Variants in VSTM2L observed in about 807,000 individuals in gnomAD.
VSTM2L encodes V-set and transmembrane domain containing 2 like, also known as V-set and transmembrane domain-containing protein 2-like protein.
Under a neutral mutation model 19.9 loss-of-function variants are expected in VSTM2L, and 9 were observed. The observed-to-expected ratio is 0.45, with a 90% CI of 0.27 to 0.79. VSTM2L has a LOEUF of 0.79. Ranked by LOEUF, VSTM2L falls within the 30% of genes least tolerant of loss-of-function variation. The pLI, the probability that VSTM2L is intolerant of heterozygous loss-of-function variation, is 0.15. For synonymous variants in VSTM2L, 127 were observed against 133.8 expected (o/e 0.95, Z 0.35); for missense variants, 286 against 295.5 (o/e 0.97, Z 0.24).
In VSTM2L at chr20:37,944,420, G is replaced by GCGCC; in HGVS notation, c.*168_*169insGCCC. 8.3e-7 allele frequency: 1 copy of GCGCC among 1,199,428 alleles called. No homozygotes were observed. Among genetic ancestry groups the GCGCC allele is most frequent in the Non-Finnish European group, 1.1e-6 (1 of 921,448 alleles). 74.3% of individuals were successfully genotyped at this position (1,199,428 alleles called of 1,614,324 possible). On this transcript the variant is annotated 3_prime_UTR_variant, in exon 4 of 4. Transcript: ENST00000373461. The stretch of plus-strand genomic sequence containing the variant: ...CCACCACCCCTTGCTCAGCATGTAA[G>GCGCC]CCCCACCCACCCCTGCCCTTTCAGA...
intron 1 of VSTM2L, among the ~76,000 whole-genome samples, chr20:37,915,856 A>G (rs1296115846): frequency 6.6e-6 from 1 of 151,996 alleles, no homozygotes; most frequent in Admixed American, 6.6e-5. Context: ...CTGTTCTGGA[A>G]CATCCCAAGT....
intron 3 of VSTM2L, 95 bp from the exon 4 acceptor site, chr20:37,943,886 C>T (rs1045169130): frequency 3.0e-5 from 39 of 1,310,834 alleles, no homozygotes; most frequent in Admixed American, 5.8e-5. Flanking sequence ...CTGGGGCTCC[C>T]GTCCTAGCAT....
At chr20:37,914,458 TTGTG>T (rs745351212) in intron 1 of VSTM2L, among the ~76,000 whole-genome samples, 2 of 151,090 alleles carry the variant, frequency 1.3e-5, no homozygotes, top group Non-Finnish European at 3.0e-5. Flanking sequence ...TGTGTGTGTA[TTGTG>T]TGTATGTGTG....
intron 1 of VSTM2L, among the ~76,000 whole-genome samples, chr20:37,909,333 C>T (rs1367076925): frequency 1.3e-5 from 2 of 152,100 alleles, no homozygotes; most frequent in Non-Finnish European, 2.9e-5. Context: ...GGGACCAAAC[C>T]AGCTGCTGAT....
At chr20:37,922,821 G>A (rs1203219656) in intron 1 of VSTM2L, among the ~76,000 whole-genome samples, 1 of 152,186 alleles carries the variant, frequency 6.6e-6, no homozygotes, top group African/African-American at 2.4e-5. Context: ...AGTCCCACTG[G>A]CTCCCAGGAG....
chr20:37,934,764 AG>A (rs1237777818), intron 3 of VSTM2L, among the ~76,000 whole-genome samples: 1 of 152,058 alleles, frequency 6.6e-6, no homozygotes, highest in Non-Finnish European at 1.5e-5. Context: ...GGCATCATGG[AG>A]GCAGAGAGGC....
Position 37,945,032 on chromosome 20 carries a change from C to T in VSTM2L, c.*779C>T. On this transcript the variant is annotated 3_prime_UTR_variant, in exon 4 of 4. Transcript: ENST00000373461. ...TCTCCCAGGAGTCCCCCTCTGCCGG[C>T]CCCCCAATGCCCCAGCTCCCTCTTG... 3 of 985,828 alleles carry T rather than the reference C, an allele frequency of 3.0e-6. No individual in the cohort carries two copies. Among genetic ancestry groups the T allele is most frequent in the Non-Finnish European group, 3.6e-6 (3 of 829,956 alleles). 61.1% of individuals were successfully genotyped at this position (985,828 alleles called of 1,614,324 possible).
intron 1 of VSTM2L, 58 bp downstream of exon 1, chr20:37,903,529 C>A: frequency 7.2e-7 from 1 of 1,383,150 alleles, no homozygotes; most frequent in Non-Finnish European, 9.3e-7. Flanking sequence ...CGGGCCGCGC[C>A]ACTCCAACTT....
At chr20:37,909,493 A>G (rs1055661438) in intron 1 of VSTM2L, among the ~76,000 whole-genome samples, 1 of 152,240 alleles carries the variant, frequency 6.6e-6, no homozygotes, top group Non-Finnish European at 1.5e-5. Flanking sequence ...AGGAGGACGA[A>G]GCAGGGGATG....
intron 3 of VSTM2L, among the ~76,000 whole-genome samples, chr20:37,937,803 G>T (rs1430021836): frequency 3.9e-5 from 6 of 152,182 alleles, no homozygotes; most frequent in African/African-American, 1.4e-4. Flanking sequence ...AATGAGGAGA[G>T]CTGCCATAAT....
chr20:37,937,104 C>T (rs2072945270), intron 3 of VSTM2L, among the ~76,000 whole-genome samples: 1 of 152,008 alleles, frequency 6.6e-6, no homozygotes, highest in Admixed American at 6.6e-5. Context: ...GCCTGCAGTC[C>T]CAGATACTTG....
intron 3 of VSTM2L, among the ~76,000 whole-genome samples, chr20:37,934,799 C>T (rs927381349): frequency 6.6e-6 from 1 of 152,096 alleles, no homozygotes; most frequent in Non-Finnish European, 1.5e-5. Flanking sequence ...TCTGCAGCCC[C>T]TTCAGGCGGG....
At chr20:37,937,214 G>A (rs2072945886) in intron 3 of VSTM2L, among the ~76,000 whole-genome samples, 1 of 152,094 alleles carries the variant, frequency 6.6e-6, no homozygotes, top group African/African-American at 2.4e-5. Context: ...TACGTGGGAG[G>A]ACAGGCATCT....
chr20:37,923,391 C>A lies in VSTM2L; in HGVS notation c.122-8244C>A, dbSNP rs1761155560. Among the ~76,000 whole-genome samples the A allele has an allele frequency of 2.6e-5, 4 of 152,148 alleles. No homozygotes were observed. The South Asian group carries it at 8.3e-4, about 31-fold the overall frequency. The stretch of plus-strand genomic sequence containing the variant: ...TGCAGCTGATGCACCGATAATCAGG[C>A]CTGGGGTTAATTAATACATCGCACC... On this transcript the variant is annotated intron_variant, in intron 1 of 3. Coordinates refer to ENST00000373461, the MANE Select transcript of VSTM2L (RefSeq NM_080607.3).
At chr20:37,931,220 G>T (rs2072906938) in intron 1 of VSTM2L, among the ~76,000 whole-genome samples, 1 of 152,190 alleles carries the variant, frequency 6.6e-6, no homozygotes, top group Non-Finnish European at 1.5e-5. Context: ...GTACATGGAT[G>T]CTGGAGTAAC....
At chr20:37,904,821 C>A (rs1303799931) in intron 1 of VSTM2L, among the ~76,000 whole-genome samples, 1 of 152,148 alleles carries the variant, frequency 6.6e-6, no homozygotes, top group Non-Finnish European at 1.5e-5. Context: ...TCGAAGCCAT[C>A]CTCAGGGTCT....
Position 37,944,873 on chromosome 20 carries a change from C to T in VSTM2L, c.*620C>T. The T allele has an allele frequency of 1.0e-6, 1 of 985,934 alleles. No homozygotes were observed. The allele number at this position is 985,934 out of a possible 1,614,324, so 61.1% of individuals were successfully genotyped here. On this transcript the variant is annotated 3_prime_UTR_variant, in exon 4 of 4. Coordinates refer to ENST00000373461, the MANE Select transcript of VSTM2L (RefSeq NM_080607.3). Reference sequence around the variant, plus strand: ...CTTCCTGTTCAGCTCCCTGTGCGACCCTCCAGGGATGCAGGGGATCCAGGA... The same window carrying T: ...CTTCCTGTTCAGCTCCCTGTGCGACTCTCCAGGGATGCAGGGGATCCAGGA...
chr20:37,940,734 C>T (rs924163774), intron 3 of VSTM2L, among the ~76,000 whole-genome samples: 1 of 152,210 alleles, frequency 6.6e-6, no homozygotes, highest in Non-Finnish European at 1.5e-5. Flanking sequence ...ATTGGCTCAA[C>T]GTTCTGCATG....
At chr20:37,933,694 G>A in intron 3 of VSTM2L, 105 bp downstream of exon 3, 1 of 1,108,664 alleles carries the variant, frequency 9.0e-7, no homozygotes, top group Non-Finnish European at 1.3e-6. Context: ...GCAAGAAGAT[G>A]GAAGAGAAGA....
Sources: allele counts gnomAD v4.1 joint callset (sites outside exome capture counted in the v4.1 genomes callset), GRCh38; gene constraint gnomAD v4.1.1; transcripts MANE v1.5; gene names NCBI Gene and HGNC (gene_info 2026-07-23, HGNC 2026-07-21).